Variants in LHX3 observed in about 807,000 individuals in gnomAD.
LHX3 encodes the protein LIM/homeobox protein Lhx3.
Under a neutral mutation model 32.4 loss-of-function variants are expected in LHX3, and 21 were observed. The observed-to-expected ratio is 0.65, with a 90% confidence interval of 0.46 to 0.93. The LOEUF is 0.93. Among genes scored for constraint, LHX3 ranks in the 40% least tolerant of loss-of-function variants. The pLI, the probability that LHX3 is intolerant of heterozygous loss-of-function variation, is 0.00. For synonymous variants in LHX3, 258 were observed against 246.8 expected (o/e 1.05, Z -0.43); for missense variants, 626 against 560.0 (o/e 1.12, Z -1.19).
At chr9:136,202,133 C>G (rs1185758619) in intron 1 of LHX3, among the ~76,000 whole-genome samples, 1 of 152,148 alleles carries the variant, frequency 6.6e-6, no homozygotes, top group Non-Finnish European at 1.5e-5. Flanking sequence ...CGCGGGCGCG[C>G]AGTCCTCCTT....
chr9:136,202,996 C>T (rs1831682124), intron 1 of LHX3: 2 of 1,524,994 alleles, frequency 1.3e-6, no homozygotes, highest in Non-Finnish European at 1.8e-6. Flanking sequence ...CAGGTCGCCT[C>T]CCGCCGACTC....
intron 5 of LHX3, 92 bp downstream of exon 5, chr9:136,198,560 T>C (rs1452323703): frequency 2.9e-6 from 4 of 1,390,680 alleles, no homozygotes; most frequent in Admixed American, 2.0e-5. Flanking sequence ...ACTAACTCCA[T>C]GGGAAATTCA....
Position 136,204,922 on chromosome 9 carries a change from G to C in LHX3, c.79+12C>G, listed in dbSNP as rs1407802837. ...TTGCCGTTTCTGTCCTCAGTGTCCT[G>C]CTGGGGCTTACCCCGAGTCCCGCCC... On this transcript the variant is annotated intron_variant, in intron 1 of 5. Coordinates refer to ENST00000371748, the MANE Select transcript of LHX3 (RefSeq NM_178138.6). 1.3e-6 allele frequency: 2 copies of C among 1,591,054 alleles called. No individual in the cohort carries two copies. The highest frequency in any genetic ancestry group is 2.3e-5 in the South Asian group (2 of 88,180).
chr9:136,204,795 C>T (rs1831719121), intron 1 of LHX3, 139 bp downstream of exon 1: 1 of 727,352 alleles, frequency 1.4e-6, no homozygotes, highest in Non-Finnish European at 2.3e-6. Context: ...GAAACTCACT[C>T]TCTGCAGTTT....
rs775752008 is a variant in LHX3 at position 136,198,941 on chromosome 9, C to G, written c.573G>C (p.Ser191=). The change falls in exon 4 of 6, where the codon TCG becomes TCC. Residue 191 remains serine, a synonymous_variant. Coordinates refer to ENST00000371748, the MANE Select transcript of LHX3 (RefSeq NM_178138.6). ...CGCGCATGTCCAGGCCCGTCTCGGA[C>G]GAGAGCTGCTCGCGCACGTGGCGCG... ...KPARHVREQL[S]SETGLDMRVV... The G allele has an allele frequency of 1.9e-6, 3 of 1,588,342 alleles. No individual in the cohort carries two copies. The highest frequency in any genetic ancestry group is 1.4e-5 in the African/African-American group (1 of 73,758).
Position 136,199,765 on chromosome 9 carries a change from G to T in LHX3, c.367C>A (p.Arg123=). 6.2e-7 allele frequency: 1 copy of T among 1,612,898 alleles called. No homozygotes were observed. The highest frequency in any genetic ancestry group is 1.1e-5 in the South Asian group (1 of 91,070). Residue 123 remains arginine, a synonymous_variant, in exon 3 of 6, where the codon CGG becomes AGG. Transcript: ENST00000371748. ...AACTCGTCGCCCGTGGCCAGCTGCC[G>T]CTTGCACACGACGCAGGCAAAGCAG... ...LHCFACVVCK[R]QLATGDEFYL... is the part of the protein sequence containing the mutation.
In LHX3 at chr9:136,203,056, C is replaced by T. The variant is rs767439943; in HGVS notation, c.79+1878G>A. 1.9e-5 allele frequency: 29 copies of T among 1,516,186 alleles called. 1 individual carries two copies. The South Asian group carries it at 2.3e-4, about 12-fold the overall frequency. 93.9% of individuals were successfully genotyped at this position (1,516,186 alleles called of 1,614,324 possible). ...CGCCTCCATGGGTCCCGCCGCCCGGCGTCGCCACTCTCCAGTCCCGAACTT... is the reference window on the plus strand; with the variant it reads ...CGCCTCCATGGGTCCCGCCGCCCGGTGTCGCCACTCTCCAGTCCCGAACTT... On this transcript the variant is annotated intron_variant, in intron 1 of 5. Coordinates refer to ENST00000371748, the MANE Select transcript of LHX3 (RefSeq NM_178138.6).
At chr9:136,198,280 C>T (rs1831544358) in intron 5 of LHX3, among the ~76,000 whole-genome samples, 2 of 152,228 alleles carry the variant, frequency 1.3e-5, no homozygotes, top group Admixed American at 1.3e-4. Context: ...CTCCAAGCAG[C>T]TGGGACTTCG....
chr9:136,199,697 G>T lies in LHX3; in HGVS notation c.435C>A (p.Tyr145Ter). The T allele has an allele frequency of 6.2e-7, 1 of 1,612,890 alleles. No individual in the cohort carries two copies. The highest frequency in any genetic ancestry group is 8.5e-7 in the Non-Finnish European group (1 of 1,179,868). Residue 145 changes from tyrosine to a stop codon, truncating the protein, a stop_gained, in exon 3 of 6, where the codon TAC becomes TAA. Coordinates refer to ENST00000371748, the MANE Select transcript of LHX3 (RefSeq NM_178138.6). LOFTEE classifies it high-confidence loss of function. ...GCTGACCTCGCTGCTTGGCGGTTTC[G>T]TAGTCCGCCTTGCACACGAGCCGGC... ...EDSRLVCKAD[Y>*]ETAKQREAEA...
chr9:136,197,454 G>C lies in LHX3; in HGVS notation c.1065C>G (p.Pro355=). The change falls in exon 6 of 6, where the codon CCC becomes CCG. Residue 355 remains proline, a synonymous_variant. Transcript: ENST00000371748. The part of the protein sequence containing the change: ...GLVPSGAPGG[P]PPMRVLAGNG... ...TCCCTGCCAGCACCCTCATGGGTGG[G>C]GGCCCGCCGGGGGCTCCCGAGGGCA... The C allele has an allele frequency of 6.3e-7, 1 of 1,580,648 alleles. No individual in the cohort carries two copies. The highest frequency in any genetic ancestry group is 1.3e-5 in the African/African-American group (1 of 74,172).
At chr9:136,201,344 A>C in intron 1 of LHX3, 1 of 1,246,598 alleles carries the variant, frequency 8.0e-7, no homozygotes, top group Non-Finnish European at 1.0e-6. Flanking sequence ...TGGACTGGAC[A>C]AGCCGATCCA....
At chr9:136,201,434 C>CA in intron 1 of LHX3, 1 of 1,227,938 alleles carries the variant, frequency 8.1e-7, no homozygotes, top group Non-Finnish European at 1.0e-6. Context: ...TTCTGCCCCC[C>CA]ACACCCCACT....
chr9:136,201,648 C>T, intron 1 of LHX3: 1 of 991,300 alleles, frequency 1.0e-6, no homozygotes, highest in Non-Finnish European at 1.2e-6. Flanking sequence ...GGCTGTGGAC[C>T]CCGCCGGCTC....
chr9:136,200,123 G>T (rs368120328), intron 2 of LHX3: 1 of 635,808 alleles, frequency 1.6e-6, no homozygotes, highest in South Asian at 1.7e-5. Flanking sequence ...ACCCATGCTG[G>T]ATCTGGGAAG....
rs908383845 is a variant in LHX3, at chr9:136,197,056, T to G, written c.*269A>C. The stretch of plus-strand genomic sequence containing the variant: ...CTAGAAATAGCAGCAAGTGCTCAGT[T>G]AATTGGTCAATAAAGGGGAGAAATT... On this transcript the variant is annotated 3_prime_UTR_variant, in exon 6 of 6. Coordinates refer to ENST00000371748, the MANE Select transcript of LHX3 (RefSeq NM_178138.6). The G allele has an allele frequency of 4.0e-5, 23 of 575,286 alleles. No homozygotes were observed. Among genetic ancestry groups the G allele is most frequent in the South Asian group, 1.7e-4 (8 of 47,766 alleles). 35.6% of individuals were successfully genotyped at this position (575,286 alleles called of 1,614,324 possible). A position where few individuals can be genotyped will look rare whatever the true frequency, so the allele number is the denominator to read the frequency against.
intron 3 of LHX3, 112 bp downstream of exon 3, chr9:136,199,566 C>A (rs1039736370): frequency 1.7e-6 from 2 of 1,166,562 alleles, no homozygotes; most frequent in Admixed American, 1.8e-5. Context: ...CTAGCCCAGG[C>A]CCCCTTAGTG....
At position 136,199,667 on chromosome 9, in the gene LHX3, C is replaced by T. The variant is rs748275835; in HGVS notation, c.454+11G>A. 6.2e-7 allele frequency: 1 copy of T among 1,612,648 alleles called. No individual in the cohort carries two copies. The highest frequency in any genetic ancestry group is 1.7e-5 in the Admixed American group (1 of 60,014). On this transcript the variant is annotated intron_variant, in intron 3 of 5. Transcript: ENST00000371748. The stretch of plus-strand genomic sequence containing the variant: ...ACCAGGAAAGGTGGGAGCGTCGTCC[C>T]CTCGGCTGACCTCGCTGCTTGGCGG...
chr9:136,198,801 C>A lies in LHX3; in HGVS notation c.626G>T (p.Arg209Leu). 2 of 1,609,146 alleles carry A rather than the reference C, an allele frequency of 1.2e-6. No homozygotes were observed. The highest frequency in any genetic ancestry group is 1.7e-6 in the Non-Finnish European group (2 of 1,179,024). Residue 209 changes from arginine to leucine, a missense_variant, in exon 5 of 6, where the codon CGG becomes CTG. Transcript: ENST00000371748. Reference protein sequence around the residue: ...RVVQVWFQNRRAKEKRLKKDA... With the variant: ...RVVQVWFQNRLAKEKRLKKDA... ...CTTCTTCAGCCTCTTCTCCTTGGCC[C>A]GGCGGTTCTGGAACCAAACCTGGGG...
chr9:136,196,411 G>C lies in LHX3; in HGVS notation c.*914C>G, dbSNP rs951109684. 6.6e-6 allele frequency: 1 copy of C among 152,508 alleles called. No homozygotes were observed. The highest frequency in any genetic ancestry group is 1.5e-5 in the Non-Finnish European group (1 of 68,068). 9.4% of individuals were successfully genotyped at this position (152,508 alleles called of 1,614,324 possible). A position where few individuals can be genotyped will look rare whatever the true frequency, so the allele number is the denominator to read the frequency against. On this transcript the variant is annotated 3_prime_UTR_variant, in exon 6 of 6. Transcript: ENST00000371748. The stretch of plus-strand genomic sequence containing the variant: ...AGGCCAGCCTTTGTGTCTGGGGCAC[G>C]CACAGCTGCGGGCATCTCCCAGAAA...
Sources: allele counts gnomAD v4.1 joint callset (sites outside exome capture counted in the v4.1 genomes callset), GRCh38; gene constraint gnomAD v4.1.1; transcripts MANE v1.5; gene names NCBI Gene and HGNC (gene_info 2026-07-23, HGNC 2026-07-21).